Variants in ENTR1 observed in about 807,000 individuals in gnomAD.
ENTR1 encodes the protein endosome-associated-trafficking regulator 1.
Under a neutral mutation model 47.9 loss-of-function variants are expected in ENTR1, and 47 were observed. That is an observed-to-expected ratio of 0.98 (90% CI 0.78 to 1.25). The LOEUF (loss-of-function observed/expected upper bound fraction) is 1.25. Ranked by LOEUF, ENTR1 falls within the 50% of genes most tolerant of loss-of-function variation. The pLI is 0.00. For synonymous variants in ENTR1, 290 were observed against 245.8 expected (o/e 1.18, Z -1.68); for missense variants, 668 against 570.5 (o/e 1.17, Z -1.74).
rs1284092857 is a variant in ENTR1 at position 136,408,992 on chromosome 9, A to G, written c.289+7T>C. On this transcript the variant is annotated splice_region_variant and intron_variant, in intron 3 of 9. Coordinates refer to ENST00000357365, the MANE Select transcript of ENTR1 (RefSeq NM_001039707.2). ...GACAAGAAGAAAAGGTTGCTGAACT[A>G]CTCTACCTCCAAAATGTGTCCCGTG... The G allele has an allele frequency of 1.9e-6, 3 of 1,612,576 alleles. No individual in the cohort carries two copies. The highest frequency in any genetic ancestry group is 2.5e-6 in the Non-Finnish European group (3 of 1,179,182).
intron 3 of ENTR1, among the ~76,000 whole-genome samples, chr9:136,408,568 ACT>A (rs1301261326): frequency 6.6e-6 from 1 of 151,766 alleles, no homozygotes; most frequent in African/African-American, 2.4e-5. Flanking sequence ...ACAGAGCGAG[ACT>A]CTGTCTCAAA....
At chr9:136,410,030 G>C (rs1300709925) in intron 2 of ENTR1, 60 bp downstream of exon 2, 1 of 1,588,826 alleles carries the variant, frequency 6.3e-7, no homozygotes, top group East Asian at 2.2e-5. Flanking sequence ...CTGCAGCGGA[G>C]GTGCCACACG....
chr9:136,405,661 G>A (rs148687330), intron 6 of ENTR1, among the ~76,000 whole-genome samples: 1 of 152,334 alleles, frequency 6.6e-6, no homozygotes, highest in East Asian at 1.9e-4. Context: ...AGGATTGCTG[G>A]AGCCAAGGAG....
chr9:136,408,887 C>CA, intron 3 of ENTR1, 112 bp downstream of exon 3: 3 of 756,896 alleles, frequency 4.0e-6, no homozygotes, highest in Non-Finnish European at 6.9e-6. Context: ...CCCACCTGCT[C>CA]TTTTGGGCTC....
Position 136,410,501 on chromosome 9 carries a change from G to A in ENTR1, c.-104C>T. ...CCCGCGTCGCCCGCCCCCGTCGCCCGCCCCCGTCGCCCGCCGCTCGGCCGC... is the reference window on the plus strand; with the variant it reads ...CCCGCGTCGCCCGCCCCCGTCGCCCACCCCCGTCGCCCGCCGCTCGGCCGC... On this transcript the variant is annotated 5_prime_UTR_variant, in exon 1 of 10. Transcript: ENST00000357365. 7 of 946,512 alleles carry A rather than the reference G, an allele frequency of 7.4e-6. No homozygotes were observed. Among genetic ancestry groups the A allele is most frequent in the Non-Finnish European group, 9.0e-6 (7 of 775,650 alleles). The allele number at this position is 946,512 out of a possible 1,614,324, so 58.6% of individuals were successfully genotyped here. A position where few individuals can be genotyped will look rare whatever the true frequency, so the allele number is the denominator to read the frequency against.
At chr9:136,408,903 A>C in intron 3 of ENTR1, 96 bp downstream of exon 3, 1 of 974,728 alleles carries the variant, frequency 1.0e-6, no homozygotes. Context: ...GGCTCCAGCT[A>C]CACCACATAG....
chr9:136,404,601 A>G, intron 8 of ENTR1, 30 bp downstream of exon 8: 1 of 1,608,266 alleles, frequency 6.2e-7, no homozygotes, highest in Non-Finnish European at 8.5e-7. Context: ...CAAATCAAAG[A>G]AAAACACTGA....
At chr9:136,407,101 C>T (rs756290247) in intron 5 of ENTR1, 44 bp downstream of exon 5, 15 of 1,533,762 alleles carry the variant, frequency 9.8e-6, no homozygotes, top group African/African-American at 1.4e-5. Context: ...GGAGAAGCCG[C>T]TCGGACAGGC....
In ENTR1 at chr9:136,409,044, A is replaced by C; in HGVS notation, c.244T>G (p.Cys82Gly). ...GCTCCTGACGGGCTCTGCTTAGAAC[A>C]TTTCCCCTTTCCATAGCCAAAATCT... ...DTDFGYGKGK[C>G]SKQSPSGAHG... Residue 82 changes from cysteine (C) to glycine (G), a missense_variant, in exon 3 of 10, where the codon TGT (cysteine) becomes GGT (glycine). Physicochemically the swap from Cys to Gly is radical, Grantham distance 159. Transcript: ENST00000357365. The C allele has an allele frequency of 6.2e-7, 1 of 1,613,814 alleles. No homozygotes were observed. Among genetic ancestry groups the C allele is most frequent in the African/African-American group, 1.3e-5 (1 of 74,992 alleles).
At chr9:136,407,615 G>T (rs147125900) in intron 4 of ENTR1, 54 bp from the exon 5 acceptor site, 1 of 1,494,062 alleles carries the variant, frequency 6.7e-7, no homozygotes, top group African/African-American at 1.4e-5. Context: ...GACTCGGAGC[G>T]CATCTTCCTT....
Position 136,408,997 on chromosome 9 carries a change from A to G in ENTR1, c.289+2T>C, listed in dbSNP as rs1216834966. ...GAAGAAAAGGTTGCTGAACTACTCTACCTCCAAAATGTGTCCCGTGGGCTC... is the reference window on the plus strand; with the variant it reads ...GAAGAAAAGGTTGCTGAACTACTCTGCCTCCAAAATGTGTCCCGTGGGCTC... On this transcript the variant is annotated splice_donor_variant, in intron 3 of 9. Coordinates refer to ENST00000357365, the MANE Select transcript of ENTR1 (RefSeq NM_001039707.2). LOFTEE classifies it high-confidence loss of function. 1.9e-6 allele frequency: 3 copies of G among 1,613,138 alleles called. No homozygotes were observed. Among genetic ancestry groups the G allele is most frequent in the Admixed American group, 1.7e-5 (1 of 59,970 alleles).
Position 136,402,895 on chromosome 9 carries a change from C to T in ENTR1, c.1209-8G>A. The T allele has an allele frequency of 6.7e-7, 1 of 1,502,114 alleles. No homozygotes were observed. The highest frequency in any genetic ancestry group is 9.0e-7 in the Non-Finnish European group (1 of 1,116,870). The allele number at this position is 1,502,114 out of a possible 1,614,324, so 93.0% of individuals were successfully genotyped here. A position where few individuals can be genotyped will look rare whatever the true frequency, so the allele number is the denominator to read the frequency against. On this transcript the variant is annotated splice_region_variant and splice_polypyrimidine_tract_variant and intron_variant, in intron 9 of 9. Transcript: ENST00000357365. ...GCTCCGGAAACCAGTTGCCTGAAAACAAGCATGGATATCAGGATGGGTGGC... is the reference window on the plus strand; with the variant it reads ...GCTCCGGAAACCAGTTGCCTGAAAATAAGCATGGATATCAGGATGGGTGGC...
At chr9:136,408,164 C>G (rs1834873104) in intron 3 of ENTR1, among the ~76,000 whole-genome samples, 1 of 152,172 alleles carries the variant, frequency 6.6e-6, no homozygotes, top group African/African-American at 2.4e-5. Context: ...ACCCCTCGGC[C>G]CCTGCTCCCA....
rs754184202 is a variant in ENTR1 at position 136,410,065 on chromosome 9, CG to C, written c.220+24del. On this transcript the variant is annotated intron_variant, in intron 2 of 9. Transcript: ENST00000357365. ...GTGGCGCGGGAACTGGAAGCGTCCC[CG>C]GGGCCGGCGCCCTCGTCTCTCACCT... The C allele has an allele frequency of 3.7e-6, 6 of 1,612,266 alleles. No homozygotes were observed. The South Asian group carries it at 6.6e-5, about 18-fold the overall frequency.
intron 2 of ENTR1, 44 bp downstream of exon 2, chr9:136,410,046 C>T (rs1431336857): frequency 1.9e-6 from 3 of 1,610,210 alleles, no homozygotes; most frequent in South Asian, 2.2e-5. Context: ...ACACGTGGCG[C>T]GGGAACTGGA....
chr9:136,408,945 GC>G (rs1371048019), intron 3 of ENTR1, 53 bp downstream of exon 3: 5 of 1,451,408 alleles, frequency 3.4e-6, no homozygotes, highest in Non-Finnish European at 4.8e-6. Flanking sequence ...CCAGACACGT[GC>G]CTGGCACTGT....
intron 9 of ENTR1, 26 bp downstream of exon 9, chr9:136,404,029 C>A: frequency 6.4e-7 from 1 of 1,559,020 alleles, no homozygotes; most frequent in South Asian, 1.2e-5. Flanking sequence ...CCCCGCCAGG[C>A]TTCCCGGTGC....
chr9:136,408,365 T>C (rs1007906918), intron 3 of ENTR1, among the ~76,000 whole-genome samples: 3 of 151,658 alleles, frequency 2.0e-5, no homozygotes, highest in Non-Finnish European at 2.9e-5. Flanking sequence ...GATCACGAGG[T>C]CAGGAGACTG....
chr9:136,406,002 TAGAA>T (rs748922662), intron 5 of ENTR1, 24 bp from the exon 6 acceptor site: 1 of 1,579,514 alleles, frequency 6.3e-7, no homozygotes, highest in South Asian at 1.2e-5. Context: ...ACATCCTTAT[TAGAA>T]AGTCAGCATG....
Sources: gnomAD v4.1 joint callset for allele counts (sites outside exome capture counted in the v4.1 genomes callset) on GRCh38, gnomAD v4.1.1 for gene constraint, MANE v1.5 for transcripts, NCBI Gene and HGNC (gene_info 2026-07-23, HGNC 2026-07-21) for gene names.